The following MYO1D variants were observed in gnomAD, a reference collection of about 807,000 sequenced individuals.
The protein encoded by MYO1D is myosin ID, also known as unconventional myosin-Id.
MYO1D carries 83 observed loss-of-function variants against 122.0 expected under a neutral mutation model. The observed-to-expected ratio is 0.68, with a 90% CI of 0.57 to 0.82. The LOEUF (loss-of-function observed/expected upper bound fraction) is 0.82. Ranked by LOEUF, MYO1D falls within the 40% of genes least tolerant of loss-of-function variation. The pLI is 0.00. For missense variants in MYO1D, 1,157 were observed against 1,269.5 expected (o/e 0.91, Z 1.35); for synonymous variants, 464 against 446.9 (o/e 1.04, Z -0.48).
chr17:32,635,672 G>A (rs944988371), intron 20 of MYO1D, among the ~76,000 whole-genome samples: 11 of 152,130 alleles, frequency 7.2e-5, no homozygotes, highest in African/African-American at 2.7e-4. Flanking sequence ...CAGTCTGGGT[G>A]ACAGAGCAAG....
chr17:32,636,097 A>G (rs1186008812), intron 20 of MYO1D, among the ~76,000 whole-genome samples: 3 of 152,080 alleles, frequency 2.0e-5, no homozygotes, highest in Non-Finnish European at 4.4e-5. Context: ...ATGTTTTTGA[A>G]TAATCCACCC....
chr17:32,703,472 G>A (rs2089271915), intron 16 of MYO1D, among the ~76,000 whole-genome samples: 1 of 150,616 alleles, frequency 6.6e-6, no homozygotes, highest in African/African-American at 2.4e-5. Flanking sequence ...TTGAGATAGG[G>A]GTCTTGCTAT....
intron 21 of MYO1D, among the ~76,000 whole-genome samples, chr17:32,598,878 C>T (rs765735905): frequency 9.9e-5 from 15 of 152,086 alleles, no homozygotes; most frequent in African/African-American, 2.9e-4. Flanking sequence ...TTTAATTAAG[C>T]GGATATTAAA....
chr17:32,682,099 G>T (rs1490838986), intron 16 of MYO1D, among the ~76,000 whole-genome samples: 1 of 102,050 alleles, frequency 9.8e-6, no homozygotes, highest in Non-Finnish European at 1.9e-5. Context: ...TTTTCCATTT[G>T]CTTGGTAGAT....
chr17:32,736,961 A>G (rs1432974493), intron 14 of MYO1D, among the ~76,000 whole-genome samples: 2 of 152,176 alleles, frequency 1.3e-5, no homozygotes, highest in Non-Finnish European at 2.9e-5. Flanking sequence ...TGATTATATA[A>G]GCCAACAAAT....
intron 1 of MYO1D, among the ~76,000 whole-genome samples, chr17:32,799,161 A>C (rs985677623): frequency 7.9e-5 from 12 of 152,330 alleles, no homozygotes; most frequent in African/African-American, 2.9e-4. Flanking sequence ...AAGAGAATAA[A>C]AATGTAGTGG....
intron 20 of MYO1D, chr17:32,632,303 G>A (rs1434237621): frequency 6.6e-6 from 1 of 151,832 alleles, no homozygotes; most frequent in Non-Finnish European, 1.5e-5. Context: ...CTATAGACAT[G>A]TTTTTTTTAT....
At chr17:32,510,226 T>TG (rs1182649723) in intron 21 of MYO1D, 2 of 152,234 alleles carry the variant, frequency 1.3e-5, no homozygotes, top group Non-Finnish European at 2.9e-5. Context: ...TTCTAGCTCT[T>TG]GCGTGGAGCA....
At chr17:32,566,553 G>A (rs11657700) in intron 21 of MYO1D, among the ~76,000 whole-genome samples, 67,203 of 151,674 alleles carry the variant, frequency 0.44, 15,182 homozygotes, top group Middle Eastern at 0.54. Flanking sequence ...GGCTGTGGGA[G>A]TGACCTCAGA....
intron 1 of MYO1D, among the ~76,000 whole-genome samples, chr17:32,860,803 CAACAGTGAG>C (rs1286851632): frequency 6.6e-6 from 1 of 152,168 alleles, no homozygotes; most frequent in South Asian, 2.1e-4. Flanking sequence ...TGCATCTATA[CAACAGTGAG>C]GAACCTCAAG....
intron 20 of MYO1D, among the ~76,000 whole-genome samples, chr17:32,634,264 C>A (rs1406884503): frequency 6.6e-6 from 1 of 152,198 alleles, no homozygotes; most frequent in Non-Finnish European, 1.5e-5. Flanking sequence ...CAAAACCTAG[C>A]AGGAAGAAAT....
chr17:32,863,047 GT>G (rs2091091492), intron 1 of MYO1D: 1 of 152,140 alleles, frequency 6.6e-6, no homozygotes, highest in South Asian at 2.1e-4. Context: ...TGAAGAAGAG[GT>G]TTCTTTTCAG....
chr17:32,842,789 T>C (rs1382172291), intron 1 of MYO1D, among the ~76,000 whole-genome samples: 1 of 152,138 alleles, frequency 6.6e-6, no homozygotes, highest in African/African-American at 2.4e-5. Context: ...GGAAAGTCTC[T>C]AAGATTCTAC....
chr17:32,586,086 T>G (rs971007560), intron 21 of MYO1D, among the ~76,000 whole-genome samples: 1 of 152,180 alleles, frequency 6.6e-6, no homozygotes, highest in East Asian at 1.9e-4. Context: ...AGAACAAACC[T>G]TTCCCCATTG....
At chr17:32,829,302 G>A (rs902080730) in intron 1 of MYO1D, among the ~76,000 whole-genome samples, 6 of 152,154 alleles carry the variant, frequency 3.9e-5, no homozygotes, top group African/African-American at 1.4e-4. Flanking sequence ...ATCAGACAAA[G>A]TCATTTTCAA....
At chr17:32,748,037 T>C (rs114371218) in intron 12 of MYO1D, among the ~76,000 whole-genome samples, 260 of 152,226 alleles carry the variant, frequency 1.7e-3, no homozygotes, top group African/African-American at 5.9e-3. Context: ...TTTTGAACTT[T>C]TGAACTCCAG....
intron 1 of MYO1D, among the ~76,000 whole-genome samples, chr17:32,842,389 A>G (rs1056100679): frequency 1.1e-4 from 16 of 152,158 alleles, no homozygotes; most frequent in Admixed American, 6.5e-5. Context: ...GACAGGGGTC[A>G]CTTAGGACTC....
chr17:32,765,074 A>T lies in MYO1D; in HGVS notation c.839T>A (p.Leu280Ter), dbSNP rs773954577. ...CGTGTCACCATCTACTACAAATTTT[A>T]AATTTCCCTGTATCAAAAGTGAAAA... ...ILAAILHLGNLKFVVDGDTPL... is the reference protein window; with the variant it reads ...ILAAILHLGN The change falls in exon 8 of 22, where the codon TTA (leucine) becomes TAA (stop). Residue 280 changes from leucine (L) to a stop codon, truncating the protein, a stop_gained. Coordinates refer to ENST00000318217, the MANE Select transcript of MYO1D (RefSeq NM_015194.3). LOFTEE classifies it high-confidence loss of function. 6.2e-7 allele frequency: 1 copy of T among 1,611,660 alleles called. No individual in the cohort carries two copies. Among genetic ancestry groups the T allele is most frequent in the Non-Finnish European group, 8.5e-7 (1 of 1,178,406 alleles).
chr17:32,716,031 T>C (rs2089440389), intron 15 of MYO1D, among the ~76,000 whole-genome samples: 1 of 151,516 alleles, frequency 6.6e-6, no homozygotes, highest in Non-Finnish European at 1.5e-5. Flanking sequence ...CCATTCTGCA[T>C]ACATCAGTCA....
Sources: gnomAD v4.1 joint callset for allele counts (sites outside exome capture counted in the v4.1 genomes callset) on GRCh38, gnomAD v4.1.1 for gene constraint, MANE v1.5 for transcripts, NCBI Gene and HGNC (gene_info 2026-07-23, HGNC 2026-07-21) for gene names.